USP32: variants seen among roughly 807,000 people sequenced by gnomAD.
USP32 encodes the protein ubiquitin specific peptidase 32.
In USP32, 59 loss-of-function variants were observed where a neutral mutation model predicts 204.8. The ratio of observed to expected loss-of-function variants is 0.29; its 90% CI spans 0.23 to 0.36. The LOEUF (loss-of-function observed/expected upper bound fraction) is 0.36, where lower values mean the gene tolerates loss of function less well. Among genes scored for constraint, USP32 ranks in the 10% least tolerant of loss-of-function variants. The pLI is 1.00. For missense variants in USP32, 1,160 were observed against 1,946.4 expected, an observed-to-expected ratio of 0.60 and a Z score of 7.60; for synonymous variants, 517 against 678.4, an observed-to-expected ratio of 0.76 and a Z score of 3.70.
upstream of USP32, chr17:60,392,312 G>C (rs1046892367): frequency 1.3e-4 from 43 of 330,964 alleles, no homozygotes; most frequent in Non-Finnish European, 1.4e-4. Context: ...GCCCAGGGCC[G>C]CACGCTCCGC....
chr17:60,394,783 G>A (rs1449384711), upstream of USP32, among the ~76,000 whole-genome samples: 5 of 151,784 alleles, frequency 3.3e-5, no homozygotes, highest in African/African-American at 1.2e-4. Flanking sequence ...TTGCTCTGTC[G>A]CCCAGGCTGG....
intron 2 of USP32, among the ~76,000 whole-genome samples, chr17:60,308,035 C>A (rs564630071): frequency 1.3e-5 from 2 of 152,202 alleles, no homozygotes; most frequent in South Asian, 4.1e-4. Flanking sequence ...CTGAGAGGCC[C>A]GACTCCAGGG....
intron 15 of USP32, among the ~76,000 whole-genome samples, chr17:60,220,142 AC>A: frequency 6.6e-6 from 1 of 152,194 alleles, no homozygotes; most frequent in Non-Finnish European, 1.5e-5. Context: ...TAAATGATTG[AC>A]ATTTTAAGGA....
intron 1 of USP32, among the ~76,000 whole-genome samples, chr17:60,402,728 C>T (rs2089945683): frequency 6.6e-6 from 1 of 152,152 alleles, no homozygotes; most frequent in Non-Finnish European, 1.5e-5. Flanking sequence ...ATTTATTTTG[C>T]TTATGAAACT....
upstream of USP32, among the ~76,000 whole-genome samples, chr17:60,392,998 A>T (rs537267451): frequency 1.3e-5 from 2 of 152,238 alleles, no homozygotes; most frequent in East Asian, 3.9e-4. Context: ...CATTTTCACA[A>T]TTTCTAAGTG....
chr17:60,344,736 T>G (rs1567863936), intron 2 of USP32, among the ~76,000 whole-genome samples: 1 of 152,268 alleles, frequency 6.6e-6, no homozygotes, highest in East Asian at 1.9e-4. Flanking sequence ...ATTATAGGCA[T>G]AAGCCAACAT....
chr17:60,194,884 A>T (rs535425974), intron 27 of USP32, among the ~76,000 whole-genome samples: 1 of 152,222 alleles, frequency 6.6e-6, no homozygotes, highest in South Asian at 2.1e-4. Context: ...CTCTTTACCC[A>T]CTGTCCCTGA....
chr17:60,289,526 T>C (rs1483958523), intron 4 of USP32, among the ~76,000 whole-genome samples: 2 of 152,236 alleles, frequency 1.3e-5, no homozygotes, highest in Non-Finnish European at 2.9e-5. Flanking sequence ...AACATGTATG[T>C]ACACAGAGAA....
At chr17:60,407,616 A>G (rs2089986842) in intron 1 of USP32, among the ~76,000 whole-genome samples, 1 of 151,980 alleles carries the variant, frequency 6.6e-6, no homozygotes, top group Admixed American at 6.6e-5. Flanking sequence ...CAGACATTCA[A>G]CAATGTGACA....
chr17:60,357,055 T>A (rs1416497260), intron 1 of USP32, among the ~76,000 whole-genome samples: 2 of 152,202 alleles, frequency 1.3e-5, no homozygotes, highest in Non-Finnish European at 2.9e-5. Context: ...ATCACTGCAC[T>A]CCAGCTGGGA....
rs576724735 is a variant in USP32 at position 60,184,038 on chromosome 17, G to A, written c.3835-585C>T. 2.2e-3 allele frequency among the ~76,000 whole-genome samples: 337 copies of A among 152,054 alleles called. 4 individuals are homozygous for A. The highest frequency in any genetic ancestry group is 7.6e-3 in the African/African-American group (315 of 41,458). On this transcript the variant is annotated intron_variant, in intron 30 of 33. Transcript: ENST00000300896. ...GCAGTGGCTCACGCCTATAAACCCCGCGCTTTGGGAGGCCAAGGCGGGTGG... is the reference window on the plus strand; with the variant it reads ...GCAGTGGCTCACGCCTATAAACCCCACGCTTTGGGAGGCCAAGGCGGGTGG...
At chr17:60,392,175 C>T (rs2089852433), upstream of USP32, 2 of 549,856 alleles carry the variant, frequency 3.6e-6, no homozygotes, top group Admixed American at 3.5e-5. Context: ...TCCTACTCCG[C>T]CCTTCTCTCT....
chr17:60,247,182 CTTTTCT>C (rs1464999669), intron 11 of USP32, among the ~76,000 whole-genome samples: 1 of 150,302 alleles, frequency 6.7e-6, no homozygotes, highest in African/African-American at 2.5e-5. Flanking sequence ...AATCCATTTT[CTTTTCT>C]TTTTTTTTTG....
rs1007283201 is a variant in USP32, at chr17:60,208,722, C to T, written c.2705G>A (p.Arg902Gln). ...KCKTCGHISVRFDPFNFLSLP... is the reference protein window; with the variant it reads ...KCKTCGHISVQFDPFNFLSLP... ...AGACAAAAAATTGAAAGGGTCAAAT[C>T]GGACACTTATATGCCCACATGTCTT... Residue 902 changes from arginine (R) to glutamine (Q), a missense_variant, in exon 23 of 34, where the codon CGA becomes CAA. By Grantham distance (43) the Arg-to-Gln change is conservative. This residue lies in a region of USP32 where 132 missense variants were observed against 432.8 expected (regional missense o/e 0.30). Coordinates refer to ENST00000300896, the MANE Select transcript of USP32 (RefSeq NM_032582.4). 6.2e-6 allele frequency: 10 copies of T among 1,605,188 alleles called. No individual in the cohort carries two copies. Among genetic ancestry groups the T allele is most frequent in the Non-Finnish European group, 8.5e-6 (10 of 1,175,430 alleles).
intron 1 of USP32, among the ~76,000 whole-genome samples, chr17:60,418,147 G>A (rs928693641): frequency 1.5e-4 from 22 of 151,592 alleles, no homozygotes; most frequent in Non-Finnish European, 2.7e-4. Context: ...TAGTAGAGAC[G>A]GGGTTTCTCC....
At position 60,183,273 on chromosome 17, in the gene USP32, C is replaced by T; in HGVS notation, c.4015G>A (p.Ala1339Thr). The part of the protein sequence containing the change: ...GDELSEPRIL[A>T]REVKKVDAQS... ...GCATCCACTTTCTTCACCTCCCTTG[C>T]CAGAATCCTGGGCTCAGAGAGCTCA... The change falls in exon 31 of 34, where the codon GCA becomes ACA. Residue 1339 changes from alanine to threonine, a missense_variant. By Grantham distance (58) the Ala-to-Thr change is moderately conservative. This residue lies in a region of USP32 where 244 missense variants were observed against 342.3 expected (regional missense o/e 0.71). Coordinates refer to ENST00000300896, the MANE Select transcript of USP32 (RefSeq NM_032582.4). 1 of 1,613,996 alleles carries T rather than the reference C, an allele frequency of 6.2e-7. No homozygotes were observed. Among genetic ancestry groups the T allele is most frequent in the Admixed American group, 1.7e-5 (1 of 60,008 alleles).
intron 19 of USP32, 52 bp from the exon 20 acceptor site, chr17:60,211,566 C>T (rs770018687): frequency 6.4e-7 from 1 of 1,557,150 alleles, no homozygotes; most frequent in Non-Finnish European, 8.6e-7. Context: ...TATGCCATGG[C>T]ACAAACAGTT....
rs535214275 is a variant in USP32 at position 60,392,103 on chromosome 17, G to C, written c.-164C>G. 4.4e-6 allele frequency: 3 copies of C among 677,650 alleles called. No homozygotes were observed. Among genetic ancestry groups the C allele is most frequent in the Admixed American group, 6.8e-5 (2 of 29,498 alleles). The allele number at this position is 677,650 out of a possible 1,614,324, so 42.0% of individuals were successfully genotyped here. The stretch of plus-strand genomic sequence containing the variant: ...GCTTCTGCCCCGGCGGCTCCTCCCG[G>C]TCGCCGCCACCGCCTCCATGCCGGA... On this transcript the variant is annotated 5_prime_UTR_variant, in exon 1 of 34. Coordinates refer to ENST00000300896, the MANE Select transcript of USP32 (RefSeq NM_032582.4).
chr17:60,181,363 A>G lies in USP32; in HGVS notation c.4509T>C (p.Asp1503=), dbSNP rs17405732. 3.1e-6 allele frequency: 5 copies of G among 1,613,584 alleles called. No individual in the cohort carries two copies. The highest frequency in any genetic ancestry group is 3.3e-5 in the Admixed American group (2 of 60,004). ...GATTATAAATAGGCTTAATACGAGT[A>G]TCTTCTCTTTGGTCATCAGTGCTGT... is the stretch of plus-strand genomic sequence containing the variant. ...EEDSTDDQRE[D]TRIKPIYNLY... The change falls in exon 32 of 34, where the codon GAT becomes GAC. Residue 1503 remains aspartate (D), a synonymous_variant. Transcript: ENST00000300896.
Sources: gnomAD v4.1 joint callset for allele counts (sites outside exome capture counted in the v4.1 genomes callset) on GRCh38, gnomAD v4.1.1 for gene constraint, gnomAD v4.1.1 regional missense constraint, MANE v1.5 for transcripts, NCBI Gene and HGNC (gene_info 2026-07-23, HGNC 2026-07-21) for gene names.